Variants in RABGAP1L observed in about 807,000 individuals in gnomAD.
RABGAP1L encodes the protein rab GTPase-activating protein 1-like.
RABGAP1L carries 63 observed loss-of-function variants against 137.7 expected under a neutral mutation model. The observed-to-expected ratio is 0.46, with a 90% CI of 0.37 to 0.56. The LOEUF (loss-of-function observed/expected upper bound fraction) is 0.56. RABGAP1L is among the 20% of genes least tolerant of loss of function. The pLI is 0.00. For synonymous variants in RABGAP1L, 431 were observed against 433.7 expected (o/e 0.99, Z 0.08); for missense variants, 1,095 against 1,244.0 (o/e 0.88, Z 1.80).
intron 15 of RABGAP1L, among the ~76,000 whole-genome samples, chr1:174,695,795 G>C (rs1030042936): frequency 6.6e-6 from 1 of 152,178 alleles, no homozygotes; most frequent in African/African-American, 2.4e-5. Context: ...TAAGTCTTTA[G>C]TCACTGAAGC....
chr1:174,747,936 C>T (rs2148666981), intron 17 of RABGAP1L, among the ~76,000 whole-genome samples: 1 of 151,202 alleles, frequency 6.6e-6, no homozygotes, highest in African/African-American at 2.4e-5. Context: ...TGACAACTGT[C>T]TCTATAAGCT....
intron 10 of RABGAP1L, among the ~76,000 whole-genome samples, chr1:174,284,287 C>T (rs952013211): frequency 6.6e-6 from 1 of 152,198 alleles, no homozygotes; most frequent in African/African-American, 2.4e-5. Flanking sequence ...CACCATTCTA[C>T]TCTGTTTCTA....
At chr1:174,798,010 C>G (rs1012693302) in intron 18 of RABGAP1L, among the ~76,000 whole-genome samples, 2 of 151,868 alleles carry the variant, frequency 1.3e-5, no homozygotes, top group Non-Finnish European at 2.9e-5. Context: ...TGTTCACAGG[C>G]AGGAACGTAG....
intron 13 of RABGAP1L, among the ~76,000 whole-genome samples, chr1:174,623,184 A>G (rs1184680598): frequency 1.3e-5 from 2 of 152,190 alleles, no homozygotes; most frequent in Non-Finnish European, 2.9e-5. Context: ...CTATTTTATT[A>G]TGAATAATAT....
chr1:174,457,113 A>G (rs1020958471), intron 13 of RABGAP1L, among the ~76,000 whole-genome samples: 1 of 152,196 alleles, frequency 6.6e-6, no homozygotes, highest in Non-Finnish European at 1.5e-5. Flanking sequence ...ACTATGCAAT[A>G]CATTGTAGCG....
intron 13 of RABGAP1L, among the ~76,000 whole-genome samples, chr1:174,533,078 C>T (rs907879705): frequency 4.6e-5 from 7 of 152,056 alleles, no homozygotes; most frequent in Non-Finnish European, 7.4e-5. Context: ...ACTAAAAATA[C>T]AAAAAATTAG....
At chr1:174,636,238 A>G (rs1175939866) in intron 13 of RABGAP1L, among the ~76,000 whole-genome samples, 1 of 152,192 alleles carries the variant, frequency 6.6e-6, no homozygotes, top group Non-Finnish European at 1.5e-5. Context: ...TTATCTTTAA[A>G]GAAGATATCA....
At chr1:174,250,000 A>G (rs1372468298) in intron 5 of RABGAP1L, among the ~76,000 whole-genome samples, 1 of 152,072 alleles carries the variant, frequency 6.6e-6, no homozygotes, top group Non-Finnish European at 1.5e-5. Flanking sequence ...CCTAAATCAT[A>G]GTTCTCTTCT....
At chr1:174,671,730 A>T (rs1677190018) in intron 14 of RABGAP1L, among the ~76,000 whole-genome samples, 1 of 152,090 alleles carries the variant, frequency 6.6e-6, no homozygotes, top group South Asian at 2.1e-4. Context: ...GGATATTTGC[A>T]TGTATGTTCA....
intron 17 of RABGAP1L, among the ~76,000 whole-genome samples, chr1:174,719,444 C>T (rs901101969): frequency 2.0e-5 from 3 of 152,120 alleles, no homozygotes; most frequent in Non-Finnish European, 1.5e-5. Flanking sequence ...TAGAACCAAT[C>T]AGTCAACAAG....
chr1:174,721,005 G>A (rs1681485265), intron 17 of RABGAP1L, among the ~76,000 whole-genome samples: 1 of 152,178 alleles, frequency 6.6e-6, no homozygotes, highest in Non-Finnish European at 1.5e-5. Context: ...TTAGACTCAA[G>A]CTTCTTTGAG....
At chr1:174,440,976 A>G (rs1459839537) in intron 13 of RABGAP1L, among the ~76,000 whole-genome samples, 3 of 152,006 alleles carry the variant, frequency 2.0e-5, no homozygotes, top group Non-Finnish European at 4.4e-5. Context: ...TTTGCTGTTT[A>G]AGTTCTATTG....
In RABGAP1L at chr1:174,926,199, T is replaced by C. The variant is rs188819144; in HGVS notation, c.2341-31258T>C. ...TCACAGTTTCAATTAGTAAAACTTA[T>C]TATAAATCTTTGATGTCTAGTAGAG... is the stretch of plus-strand genomic sequence containing the variant. On this transcript the variant is annotated intron_variant, in intron 19 of 25. Coordinates refer to ENST00000681986, the MANE Select transcript of RABGAP1L (RefSeq NM_001366446.1). Among the ~76,000 whole-genome samples, 140 of 152,318 alleles carry C rather than the reference T, an allele frequency of 9.2e-4. 1 individual carries two copies. Among genetic ancestry groups the C allele is most frequent in the African/African-American group, 3.1e-3 (127 of 41,578 alleles).
chr1:174,669,963 G>T (rs762754803), intron 14 of RABGAP1L, among the ~76,000 whole-genome samples: 7 of 152,002 alleles, frequency 4.6e-5, no homozygotes, highest in Non-Finnish European at 8.8e-5. Flanking sequence ...GCTATTCAAG[G>T]TCTTTTGTGG....
chr1:174,210,458 A>G (rs1055862324), intron 1 of RABGAP1L, among the ~76,000 whole-genome samples: 1 of 152,232 alleles, frequency 6.6e-6, no homozygotes, highest in Non-Finnish European at 1.5e-5. Context: ...TGAAGAATGT[A>G]TTGAAGTCTT....
intron 24 of RABGAP1L, among the ~76,000 whole-genome samples, chr1:174,988,414 T>A (rs1174612815): frequency 6.6e-6 from 1 of 152,214 alleles, no homozygotes; most frequent in Non-Finnish European, 1.5e-5. Context: ...CAATACCTTC[T>A]ATTTCTAGGG....
At chr1:174,760,219 G>A (rs1685110352) in intron 18 of RABGAP1L, among the ~76,000 whole-genome samples, 1 of 151,912 alleles carries the variant, frequency 6.6e-6, no homozygotes, top group African/African-American at 2.4e-5. Flanking sequence ...GGGTACTTGT[G>A]TAGGTCTGTT....
At position 174,204,970 on chromosome 1, in the gene RABGAP1L, T is replaced by C. The variant is rs138743287; in HGVS notation, c.-33-14155T>C. 3.9e-3 allele frequency among the ~76,000 whole-genome samples: 590 copies of C among 152,340 alleles called. 4 individuals carry two copies. The highest frequency in any genetic ancestry group is 0.012 in the African/African-American group (509 of 41,584). On this transcript the variant is annotated intron_variant, in intron 1 of 25. Coordinates refer to ENST00000681986, the MANE Select transcript of RABGAP1L (RefSeq NM_001366446.1). ...GAACTGTGAGTCAGTGAAATCTCCT[T>C]TCTTCATAAATTACCCAGTCATGGG...
intron 11 of RABGAP1L, among the ~76,000 whole-genome samples, chr1:174,314,422 G>A (rs554267543): frequency 4.8e-4 from 73 of 151,982 alleles, no homozygotes; most frequent in African/African-American, 1.7e-3. Flanking sequence ...CTGGCTAAAG[G>A]TTTGTCAATT....
Sources: allele counts gnomAD v4.1 joint callset (sites outside exome capture counted in the v4.1 genomes callset), GRCh38; gene constraint gnomAD v4.1.1; transcripts MANE v1.5; gene names NCBI Gene and HGNC (gene_info 2026-07-23, HGNC 2026-07-21).